SLC29A1: variants seen among roughly 807,000 people sequenced by gnomAD.
SLC29A1 encodes the protein equilibrative nucleoside transporter 1.
A neutral mutation model predicts 48.3 loss-of-function variants in SLC29A1; 22 were observed. That is an observed-to-expected ratio of 0.46 (90% CI 0.33 to 0.65). SLC29A1 has a LOEUF of 0.65. SLC29A1 is among the 30% of genes least tolerant of loss of function. The pLI is 0.03. For synonymous variants in SLC29A1, 228 were observed against 231.0 expected (o/e 0.99, Z 0.12); for missense variants, 491 against 575.3 (o/e 0.85, Z 1.50).
Position 44,229,444 on chromosome 6 carries a change from G to T in SLC29A1, c.84G>T (p.Pro28=), listed in dbSNP as rs8187630. 2.5e-6 allele frequency: 4 copies of T among 1,614,100 alleles called. No individual in the cohort carries two copies. Among genetic ancestry groups the T allele is most frequent in the Non-Finnish European group, 3.4e-6 (4 of 1,179,994 alleles). Residue 28 remains proline (P), a synonymous_variant, in exon 3 of 13, where the codon CCG becomes CCT. Transcript: ENST00000371755. The surrounding 1 kb of genome is among the most constrained non-coding windows in gnomAD (Gnocchi z 5.1). ...TGCTGGGTCTGGGAACGCTGCTCCC[G>T]TGGAATTTTTTCATGACGGCCACTC... is the stretch of plus-strand genomic sequence containing the variant. ...FFMLGLGTLL[P]WNFFMTATQY... is the part of the protein sequence containing the mutation.
At chr6:44,227,518 G>A (rs1404029435) in intron 2 of SLC29A1, among the ~76,000 whole-genome samples, 176 bp downstream of exon 2, 1 of 152,248 alleles carries the variant, frequency 6.6e-6, no homozygotes, top group Non-Finnish European at 1.5e-5. Flanking sequence ...GCTGGCTGGG[G>A]TGTCTGCGGG....
chr6:44,232,355 T>C lies in SLC29A1; in HGVS notation c.986T>C (p.Ile329Thr). The C allele has an allele frequency of 6.2e-7, 1 of 1,612,908 alleles. No homozygotes were observed. The highest frequency in any genetic ancestry group is 8.5e-7 in the Non-Finnish European group (1 of 1,178,840). Reference protein sequence around the residue: ...AGSSTWERYFIPVSCFLTFNI... With the variant: ...AGSSTWERYFTPVSCFLTFNI... ...TCTCCTCTTCCAGAACGTTACTTCA[T>C]TCCTGTGTCCTGTTTCTTGACTTTC... Residue 329 changes from isoleucine to threonine, a missense_variant, in exon 11 of 13, where the codon ATT becomes ACT. Coordinates refer to ENST00000371755, the MANE Select transcript of SLC29A1 (RefSeq NM_001372327.1). The surrounding 1 kb of genome is among the most constrained non-coding windows in gnomAD (Gnocchi z 4.7).
At chr6:44,227,936 A>C (rs1372279069) in intron 2 of SLC29A1, among the ~76,000 whole-genome samples, 1 of 151,996 alleles carries the variant, frequency 6.6e-6, no homozygotes, top group Non-Finnish European at 1.5e-5. Context: ...CTGCCCTCCA[A>C]CTCAGGCCCC....
chr6:44,233,662 G>T lies in SLC29A1; in HGVS notation c.*134G>T. 1 of 705,600 alleles carries T rather than the reference G, an allele frequency of 1.4e-6. No individual in the cohort carries two copies. Among genetic ancestry groups the T allele is most frequent in the Non-Finnish European group, 2.5e-6 (1 of 404,394 alleles). The allele number at this position is 705,600 out of a possible 1,614,324, so 43.7% of individuals were successfully genotyped here. ...TTCTGCTTTCCACGGCGTGTGCTGG[G>T]CCCGGATCTCCAGGCCCTGGGGAGG... On this transcript the variant is annotated 3_prime_UTR_variant, in exon 13 of 13. Coordinates refer to ENST00000371755, the MANE Select transcript of SLC29A1 (RefSeq NM_001372327.1).
At chr6:44,225,711 CTG>C (rs1777367282) in intron 1 of SLC29A1, 1 of 152,206 alleles carries the variant, frequency 6.6e-6, no homozygotes, top group Non-Finnish European at 1.5e-5. Context: ...CTGCCTCTAT[CTG>C]GAGGTGTGGG....
chr6:44,221,328 T>G (rs537956533), upstream of SLC29A1, among the ~76,000 whole-genome samples: 1 of 152,298 alleles, frequency 6.6e-6, no homozygotes, highest in Non-Finnish European at 1.5e-5. This position sits in a 1 kb window ranked among gnomAD's most constrained non-coding sequence, Gnocchi z 4.2. Flanking sequence ...ACACAGACAG[T>G]CATGAGACAT....
chr6:44,221,904 G>C (rs1776473967), upstream of SLC29A1, among the ~76,000 whole-genome samples: 1 of 152,190 alleles, frequency 6.6e-6, no homozygotes, highest in Non-Finnish European at 1.5e-5. This position sits in a 1 kb window ranked among gnomAD's most constrained non-coding sequence, Gnocchi z 4.2. Flanking sequence ...TCCCAGTCTG[G>C]CCTGAGACCC....
At chr6:44,230,983 C>T in intron 8 of SLC29A1, 94 bp downstream of exon 8, 2 of 954,036 alleles carry the variant, frequency 2.1e-6, no homozygotes, top group Non-Finnish European at 3.4e-6. Flanking sequence ...CCTGTGTTAG[C>T]TAGCAGCCCT....
At chr6:44,219,821 T>TG, upstream of SLC29A1, 1 of 112,890 alleles carries the variant, frequency 8.9e-6, no homozygotes, top group Non-Finnish European at 1.9e-5. Context: ...CGGGGCGGGG[T>TG]GGGGTGGGGG....
chr6:44,226,736 T>C, intron 1 of SLC29A1: 1 of 993,918 alleles, frequency 1.0e-6, no homozygotes, highest in South Asian at 4.4e-5. Flanking sequence ...CTGGGGAGCC[T>C]CTGGTTTGAC....
At chr6:44,219,640 C>G (rs1204478926), upstream of SLC29A1, 6 of 1,201,002 alleles carry the variant, frequency 5.0e-6, no homozygotes, top group African/African-American at 8.0e-5. Flanking sequence ...CGGCCCACAC[C>G]GGTCAGGCCC....
At chr6:44,228,956 G>A (rs1034213037) in intron 2 of SLC29A1, among the ~76,000 whole-genome samples, 1 of 152,208 alleles carries the variant, frequency 6.6e-6, no homozygotes, top group Non-Finnish European at 1.5e-5. Flanking sequence ...GAGTAACACA[G>A]TCCCTGACCA....
upstream of SLC29A1, among the ~76,000 whole-genome samples, chr6:44,220,935 A>G (rs1776343708): frequency 6.6e-6 from 1 of 152,218 alleles, no homozygotes; most frequent in Non-Finnish European, 1.5e-5. Context: ...GCTGGAGTGC[A>G]ATGGCAGGAT....
intron 1 of SLC29A1, chr6:44,225,922 C>T (rs1777430687): frequency 6.5e-6 from 1 of 154,530 alleles, no homozygotes; most frequent in African/African-American, 2.4e-5. Context: ...TCCCGAGCGA[C>T]AGGGGTGGCT....
In SLC29A1 at chr6:44,232,837, C is replaced by T; in HGVS notation, c.1090C>T (p.Leu364=). The T allele has an allele frequency of 1.2e-6, 2 of 1,613,182 alleles. No individual in the cohort carries two copies. Among genetic ancestry groups the T allele is most frequent in the Non-Finnish European group, 1.7e-6 (2 of 1,180,022 alleles). ...PGKDSRWLPS[L]VLARLVFVPL... ...GAAGGACAGCCGCTGGCTGCCAAGC[C>T]TGGTGCTGGCCCGGCTGGTGTTTGT... is the stretch of plus-strand genomic sequence containing the variant. Residue 364 remains leucine, a synonymous_variant, in exon 12 of 13, where the codon CTG becomes TTG. Coordinates refer to ENST00000371755, the MANE Select transcript of SLC29A1 (RefSeq NM_001372327.1). This position sits in a 1 kb window ranked among gnomAD's most constrained non-coding sequence, Gnocchi z 4.7.
intron 9 of SLC29A1, 123 bp from the exon 10 acceptor site, chr6:44,231,875 C>T (rs769696256): frequency 1.2e-5 from 8 of 670,262 alleles, no homozygotes; most frequent in Non-Finnish European, 1.9e-5. Flanking sequence ...CCACCCACCT[C>T]GGCCTCCCAA....
At chr6:44,227,133 G>A in intron 1 of SLC29A1, 130 bp from the exon 2 acceptor site, 4 of 1,400,280 alleles carry the variant, frequency 2.9e-6, no homozygotes, top group Non-Finnish European at 3.8e-6. Flanking sequence ...GAGGGGCAGG[G>A]TGCAGAGGGG....
At chr6:44,219,664 C>CT (rs67057732), upstream of SLC29A1, 43,119 of 1,272,006 alleles carry the variant, frequency 0.034, 898 homozygotes, top group Non-Finnish European at 0.04. Context: ...GCGGGCTGCG[C>CT]TCTCCAGCTG....
chr6:44,221,655 C>A, upstream of SLC29A1: 1 of 1,289,564 alleles, frequency 7.8e-7, no homozygotes, highest in Non-Finnish European at 1.0e-6. This position sits in a 1 kb window ranked among gnomAD's most constrained non-coding sequence, Gnocchi z 4.2. Flanking sequence ...GCTGGCAAGG[C>A]CTGGCTAGAA....
Sources: allele counts gnomAD v4.1 joint callset (sites outside exome capture counted in the v4.1 genomes callset), GRCh38; gene constraint gnomAD v4.1.1; non-coding constraint Gnocchi (gnomAD v3.1); transcripts MANE v1.5; gene names NCBI Gene and HGNC (gene_info 2026-07-23, HGNC 2026-07-21).